The following WDSUB1 variants were observed in gnomAD, a reference collection of about 807,000 sequenced individuals.
The protein encoded by WDSUB1 is WD repeat, sterile alpha motif and U-box domain containing 1, also known as WD repeat, SAM and U-box domain-containing protein 1.
A neutral mutation model predicts 53.9 loss-of-function variants in WDSUB1; 49 were observed. The observed-to-expected ratio is 0.91, with a 90% confidence interval of 0.72 to 1.15. WDSUB1 has a LOEUF of 1.15. Among genes scored for constraint, WDSUB1 ranks in the 50% most tolerant of loss-of-function variants. The pLI is 0.00. For synonymous variants in WDSUB1, 194 were observed against 200.6 expected (o/e 0.97, Z 0.28); for missense variants, 514 against 562.0 (o/e 0.91, Z 0.86).
chr2:159,244,468 G>C (rs368127589), intron 10 of WDSUB1, among the ~76,000 whole-genome samples: 2 of 151,998 alleles, frequency 1.3e-5, no homozygotes, highest in East Asian at 1.9e-4. Flanking sequence ...AGCTAGAGAT[G>C]ATTTGAAAGG....
At chr2:159,256,985 C>A (rs2151089346) in intron 8 of WDSUB1, among the ~76,000 whole-genome samples, 1 of 152,278 alleles carries the variant, frequency 6.6e-6, no homozygotes, top group South Asian at 2.1e-4. Flanking sequence ...CACTTCAACA[C>A]TGGCTTCTGT....
intron 3 of WDSUB1, among the ~76,000 whole-genome samples, chr2:159,277,847 A>G (rs2061574923): frequency 6.6e-6 from 1 of 152,212 alleles, no homozygotes; most frequent in Non-Finnish European, 1.5e-5. Context: ...CCACAGCAAC[A>G]CTAAAGGAAC....
At position 159,241,011 on chromosome 2, in the gene WDSUB1, A is replaced by G. The variant is rs563369786; in HGVS notation, c.1274-4821T>C. Reference sequence around the variant, plus strand: ...AACTAGTGAAAGGCATGAAAGAGAAAAGTCTACGATGACAAATAGGAATTA... The same window carrying G: ...AACTAGTGAAAGGCATGAAAGAGAAGAGTCTACGATGACAAATAGGAATTA... On this transcript the variant is annotated intron_variant, in intron 10 of 10. Coordinates refer to ENST00000359774, the MANE Select transcript of WDSUB1 (RefSeq NM_001128212.3). 8.5e-5 allele frequency among the ~76,000 whole-genome samples: 13 copies of G among 152,280 alleles called. 1 individual carries two copies. In the South Asian group the frequency reaches 2.7e-3, roughly 32 times the overall value.
At chr2:159,247,910 A>ATAAATATAT (rs2060846247) in intron 10 of WDSUB1, among the ~76,000 whole-genome samples, 4 of 17,678 alleles carry the variant, frequency 2.3e-4, no homozygotes, top group Non-Finnish European at 4.0e-4. Context: ...TATATATATA[A>ATAAATATAT]ATATATATAT....
At chr2:159,261,867 TATATATATATATATATATATATATA>T (rs2061203559) in intron 5 of WDSUB1, among the ~76,000 whole-genome samples, 6 of 9,758 alleles carry the variant, frequency 6.1e-4, no homozygotes, top group Non-Finnish European at 2.0e-4. Context: ...TATATATATA[TATATATATATATATATATATATATA>T]TATATTTTTT....
intron 2 of WDSUB1, among the ~76,000 whole-genome samples, chr2:159,282,396 G>T (rs1263968562): frequency 4.6e-5 from 7 of 152,224 alleles, no homozygotes; most frequent in Admixed American, 6.5e-5. Flanking sequence ...GTTTCACCAT[G>T]TTAGCCAGGA....
chr2:159,256,456 T>A, intron 8 of WDSUB1, 81 bp from the exon 9 acceptor site: 1 of 1,426,550 alleles, frequency 7.0e-7, no homozygotes, highest in South Asian at 1.3e-5. Context: ...TAAAAGTAAA[T>A]GAAATTTCCT....
At chr2:159,261,478 C>T (rs148737143) in intron 5 of WDSUB1, among the ~76,000 whole-genome samples, 2 of 152,270 alleles carry the variant, frequency 1.3e-5, no homozygotes, top group East Asian at 1.9e-4. Context: ...GCTAACACTA[C>T]GTGAGTATGT....
intron 5 of WDSUB1, among the ~76,000 whole-genome samples, chr2:159,271,014 C>T (rs757172790): frequency 6.6e-6 from 1 of 152,130 alleles, no homozygotes; most frequent in Admixed American, 6.5e-5. Context: ...CAAATTAAAA[C>T]CATAGTAAGG....
intron 5 of WDSUB1, among the ~76,000 whole-genome samples, chr2:159,261,703 C>A (rs1476657884): frequency 1.3e-5 from 2 of 151,086 alleles, no homozygotes; most frequent in African/African-American, 4.9e-5. Flanking sequence ...GAAAAAGTAT[C>A]CACACACACA....
intron 4 of WDSUB1, among the ~76,000 whole-genome samples, chr2:159,274,347 T>A (rs2061498688): frequency 6.6e-6 from 1 of 151,918 alleles, no homozygotes; most frequent in Non-Finnish European, 1.5e-5. Context: ...CTATAAAAAA[T>A]TTAAAAATTA....
At chr2:159,264,015 G>C (rs1198895434) in intron 5 of WDSUB1, among the ~76,000 whole-genome samples, 4 of 152,162 alleles carry the variant, frequency 2.6e-5, no homozygotes. Flanking sequence ...ACTTGTTCAA[G>C]GTCCTGCAGC....
chr2:159,250,831 C>A (rs967525012), intron 9 of WDSUB1, among the ~76,000 whole-genome samples: 1 of 152,136 alleles, frequency 6.6e-6, no homozygotes, highest in Non-Finnish European at 1.5e-5. Flanking sequence ...GGTAGAAAAT[C>A]TGTCGTGACT....
At chr2:159,274,368 G>A (rs542006544) in intron 4 of WDSUB1, among the ~76,000 whole-genome samples, 1 of 152,238 alleles carries the variant, frequency 6.6e-6, no homozygotes, top group South Asian at 2.1e-4. Flanking sequence ...GCCAGGGCAA[G>A]ACCTGAGAGA....
intron 5 of WDSUB1, among the ~76,000 whole-genome samples, chr2:159,271,245 A>G (rs1190348607): frequency 6.6e-6 from 1 of 152,236 alleles, no homozygotes; most frequent in Non-Finnish European, 1.5e-5. Context: ...ACCAGGACAT[A>G]CAATATATTC....
In WDSUB1 at chr2:159,259,036, A is replaced by AATTTTTTTTTTTTTTTTTTT. The variant is rs1436442238; in HGVS notation, c.804+773_804+774insAAAAAAAAAAAAAAAAAAAT. ...GGACAATATTTTTTTCAACTACTTT[A>AATTTTTTTTTTTTTTTTTTT]TTTTTGAGACAGGGTCTCACTCTGT... On this transcript the variant is annotated intron_variant, in intron 6 of 10. Transcript: ENST00000359774. Among the ~76,000 whole-genome samples, 42 of 150,678 alleles carry AATTTTTTTTTTTTTTTTTTT rather than the reference A, an allele frequency of 2.8e-4. 1 individual carries two copies. The highest frequency in any genetic ancestry group is 1.2e-3 in the East Asian group (6 of 4,950).
At chr2:159,282,553 ATTTTTCTT>A in intron 2 of WDSUB1, 111 bp downstream of exon 2, 1 of 1,216,470 alleles carries the variant, frequency 8.2e-7, no homozygotes, top group Non-Finnish European at 1.1e-6. Context: ...TCATCAAAAT[ATTTTTCTT>A]TTTTTCTACA....
intron 9 of WDSUB1, among the ~76,000 whole-genome samples, chr2:159,250,392 A>AAAT (rs1491377111): frequency 1.3e-5 from 2 of 152,186 alleles, no homozygotes; most frequent in Non-Finnish European, 2.9e-5. Flanking sequence ...TTTATAACTT[A>AAAT]AAAAGATTCC....
At position 159,243,425 on chromosome 2, in the gene WDSUB1, A is replaced by C. The variant is rs545329166; in HGVS notation, c.1273+4947T>G. Reference sequence around the variant, plus strand: ...ACTGTGTAGAGCTTCACACACACAGATAAGTACAAGTAAAACTGGGGAAAT... The same window carrying C: ...ACTGTGTAGAGCTTCACACACACAGCTAAGTACAAGTAAAACTGGGGAAAT... On this transcript the variant is annotated intron_variant, in intron 10 of 10. Coordinates refer to ENST00000359774, the MANE Select transcript of WDSUB1 (RefSeq NM_001128212.3). Among the ~76,000 whole-genome samples the C allele has an allele frequency of 7.5e-5, 11 of 147,120 alleles. 1 individual carries two copies. The highest frequency in any genetic ancestry group is 3.4e-3 in the Middle Eastern group (1 of 294).
Sources: gnomAD v4.1 joint callset for allele counts (sites outside exome capture counted in the v4.1 genomes callset) on GRCh38, gnomAD v4.1.1 for gene constraint, MANE v1.5 for transcripts, NCBI Gene and HGNC (gene_info 2026-07-23, HGNC 2026-07-21) for gene names.